The following ENTPD1 variants were observed in gnomAD, a reference collection of about 807,000 sequenced individuals.
ENTPD1 encodes the protein ATP diphosphohydrolase.
A neutral mutation model predicts 57.0 loss-of-function variants in ENTPD1; 33 were observed. The ratio of observed to expected loss-of-function variants is 0.58; its 90% CI spans 0.44 to 0.77. ENTPD1 has a LOEUF of 0.77. Ranked by LOEUF, ENTPD1 falls within the 30% of genes least tolerant of loss-of-function variation. The pLI is 0.00. For missense variants in ENTPD1, 501 were observed against 603.4 expected (o/e 0.83, Z 1.78); for synonymous variants, 202 against 218.8 (o/e 0.92, Z 0.68).
At chr10:95,861,846 A>C (rs1378605885) in intron 8 of ENTPD1, among the ~76,000 whole-genome samples, 2 of 152,082 alleles carry the variant, frequency 1.3e-5, no homozygotes, top group African/African-American at 4.8e-5. Flanking sequence ...TACAAAAAAA[A>C]TTAGCCGGGC....
At chr10:95,767,834 C>G (rs1490570372) in intron 1 of ENTPD1, among the ~76,000 whole-genome samples, 1 of 152,120 alleles carries the variant, frequency 6.6e-6, no homozygotes, top group Admixed American at 6.5e-5. Flanking sequence ...TATGTCCCCC[C>G]AAAAGCATAT....
intron 1 of ENTPD1, among the ~76,000 whole-genome samples, chr10:95,745,690 A>G (rs2098005268): frequency 6.6e-6 from 1 of 152,246 alleles, no homozygotes; most frequent in Non-Finnish European, 1.5e-5. Context: ...CCTACACAGC[A>G]CTGACTTCAT....
chr10:95,803,222 T>C (rs1308319930), intron 1 of ENTPD1, among the ~76,000 whole-genome samples: 1 of 152,034 alleles, frequency 6.6e-6, no homozygotes, highest in African/African-American at 2.4e-5. Flanking sequence ...TTGTGTCATC[T>C]TTGGCTTTTT....
rs1217974333 is a variant in ENTPD1, at chr10:95,866,294, G to C, written c.1444G>C (p.Val482Leu). 1 of 1,614,028 alleles carries C rather than the reference G, an allele frequency of 6.2e-7. No individual in the cohort carries two copies. Among genetic ancestry groups the C allele is most frequent in the Non-Finnish European group, 8.5e-7 (1 of 1,180,056 alleles). Residue 482 changes from valine (V) to leucine (L), a missense_variant, in exon 10 of 10, where the codon GTT (valine) becomes CTT (leucine). By Grantham distance (32) the Val-to-Leu change is conservative (BLOSUM62 1). Transcript: ENST00000371205. ...CCACTCCACCTATGTCTTCCTCATG[G>C]TTCTATTCTCCCTGGTCCTTTTCAC... is the stretch of plus-strand genomic sequence containing the variant. Reference protein sequence around the residue: ...LSHSTYVFLMVLFSLVLFTVA... With the variant: ...LSHSTYVFLMLLFSLVLFTVA...
intron 9 of ENTPD1, among the ~76,000 whole-genome samples, chr10:95,865,882 C>A (rs1006724720): frequency 4.6e-5 from 7 of 152,080 alleles, no homozygotes; most frequent in Non-Finnish European, 7.4e-5. Context: ...ATCCTCCCCA[C>A]CCAGGCTCCC....
At chr10:95,775,439 C>G (rs559873553) in intron 1 of ENTPD1, among the ~76,000 whole-genome samples, 1 of 152,148 alleles carries the variant, frequency 6.6e-6, no homozygotes, top group Non-Finnish European at 1.5e-5. Context: ...CAGTTTTTGC[C>G]CATTCAGTAT....
chr10:95,736,549 T>A (rs1037088823), intron 1 of ENTPD1, among the ~76,000 whole-genome samples: 1 of 152,236 alleles, frequency 6.6e-6, no homozygotes, highest in African/African-American at 2.4e-5. Context: ...TTCATCTTTT[T>A]TCATGCTCTT....
intron 1 of ENTPD1, among the ~76,000 whole-genome samples, chr10:95,805,842 G>A (rs1161886752): frequency 6.6e-6 from 1 of 152,232 alleles, no homozygotes; most frequent in African/African-American, 2.4e-5. Context: ...GGCTTGTAGA[G>A]TTTCTGCCCA....
intron 2 of ENTPD1, chr10:95,839,252 T>G (rs1363978447): frequency 1.7e-5 from 4 of 241,284 alleles, no homozygotes; most frequent in African/African-American, 9.1e-5. Context: ...AATACCTGGG[T>G]CTAGGACACA....
chr10:95,797,348 C>G (rs2098230653), intron 1 of ENTPD1, among the ~76,000 whole-genome samples: 1 of 151,948 alleles, frequency 6.6e-6, no homozygotes, highest in African/African-American at 2.4e-5. Context: ...AAGAGAAAGG[C>G]CTGGGCTGGA....
intron 1 of ENTPD1, among the ~76,000 whole-genome samples, chr10:95,748,971 TC>T (rs1423776582): frequency 6.6e-6 from 1 of 152,210 alleles, no homozygotes; most frequent in African/African-American, 2.4e-5. Flanking sequence ...TTTAGAAGCT[TC>T]CATTTTTGGG....
intron 1 of ENTPD1, among the ~76,000 whole-genome samples, chr10:95,795,924 A>G (rs983894632): frequency 6.6e-6 from 1 of 152,154 alleles, no homozygotes; most frequent in Admixed American, 6.5e-5. Flanking sequence ...AAAATATCCC[A>G]TGGAGTTTAT....
At chr10:95,780,360 AGCATATTGTAG>A (rs2098152149) in intron 1 of ENTPD1, among the ~76,000 whole-genome samples, 1 of 152,240 alleles carries the variant, frequency 6.6e-6, no homozygotes, top group Admixed American at 6.5e-5. Flanking sequence ...GACAGTGCCA[AGCATATTGTAG>A]GCAACTATGA....
chr10:95,838,474 T>G (rs1272695729), intron 2 of ENTPD1, among the ~76,000 whole-genome samples: 1 of 152,194 alleles, frequency 6.6e-6, no homozygotes, highest in Non-Finnish European at 1.5e-5. Context: ...TTTGCAGTGA[T>G]GGAAAAAGAT....
chr10:95,730,252 G>A (rs1024175385), intron 1 of ENTPD1, among the ~76,000 whole-genome samples: 8 of 150,380 alleles, frequency 5.3e-5, no homozygotes, highest in Non-Finnish European at 8.9e-5. Context: ...ACAAGGTCCC[G>A]CCATGTTGCC....
rs2098481342 is a variant in ENTPD1, at chr10:95,872,242, T to TAA, written c.*5862_*5863dup. 1.0e-6 allele frequency: 1 copy of TAA among 985,474 alleles called. No individual in the cohort carries two copies. Among genetic ancestry groups the TAA allele is most frequent in the Admixed American group, 6.1e-5 (1 of 16,294 alleles). 61.0% of individuals were successfully genotyped at this position (985,474 alleles called of 1,614,324 possible). A position where few individuals can be genotyped will look rare whatever the true frequency, so the allele number is the denominator to read the frequency against. On this transcript the variant is annotated 3_prime_UTR_variant, in exon 10 of 10. Transcript: ENST00000371205. ...AGGCTTAATTTCATTGCTGCTCAACTAAAACCACTGGTGGCTTTCCATTGC... is the reference window on the plus strand; with the variant it reads ...AGGCTTAATTTCATTGCTGCTCAACTAAAAAACCACTGGTGGCTTTCCATTGC...
At chr10:95,832,800 T>C (rs1326576705) in intron 2 of ENTPD1, among the ~76,000 whole-genome samples, 1 of 152,182 alleles carries the variant, frequency 6.6e-6, no homozygotes, top group Non-Finnish European at 1.5e-5. Context: ...ATAGTAACAG[T>C]ACCTACTTAG....
In ENTPD1 at chr10:95,866,172, T is replaced by G. The variant is rs1476364063; in HGVS notation, c.1327-5T>G. 6.2e-7 allele frequency: 1 copy of G among 1,612,688 alleles called. No individual in the cohort carries two copies. Among genetic ancestry groups the G allele is most frequent in the South Asian group, 1.1e-5 (1 of 90,820 alleles). ...CCACAAACAGACTTTCCCCACTGTT[T>G]GCAGATCCAGGGCAGCGACGCCGGC... On this transcript the variant is annotated splice_polypyrimidine_tract_variant and splice_region_variant and intron_variant, in intron 9 of 9. Transcript: ENST00000371205.
chr10:95,785,454 A>G (rs977027358), intron 1 of ENTPD1, among the ~76,000 whole-genome samples: 25 of 152,216 alleles, frequency 1.6e-4, no homozygotes, highest in African/African-American at 7.2e-5. Flanking sequence ...AGTCCAGCCT[A>G]TAGTTGACTT....
Sources: allele counts gnomAD v4.1 joint callset (sites outside exome capture counted in the v4.1 genomes callset), GRCh38; gene constraint gnomAD v4.1.1; transcripts MANE v1.5; gene names NCBI Gene and HGNC (gene_info 2026-07-23, HGNC 2026-07-21).